The following WIPI2 variants were observed in gnomAD, a reference collection of about 807,000 sequenced individuals.
The protein encoded by WIPI2 is WD repeat domain phosphoinositide-interacting protein 2.
In WIPI2, 28 loss-of-function variants were observed where a neutral mutation model predicts 52.3. That is an observed-to-expected ratio of 0.54 (90% confidence interval 0.40 to 0.73). The LOEUF is 0.73. Ranked by LOEUF, WIPI2 falls within the 30% of genes least tolerant of loss-of-function variation. The probability of loss-of-function intolerance (pLI) is 0.00; values close to 1 mark genes in which losing one functional copy is unlikely to be tolerated. For synonymous variants in WIPI2, 268 were observed against 245.0 expected (o/e 1.09, Z -0.88); for missense variants, 506 against 602.9 (o/e 0.84, Z 1.68).
At chr7:5,229,436 T>G in intron 11 of WIPI2, 172 bp from the exon 12 acceptor site, 1 of 652,184 alleles carries the variant, frequency 1.5e-6, no homozygotes. Flanking sequence ...AAACTCTTCA[T>G]GTAAAAACGT....
chr7:5,193,023 G>T, intron 1 of WIPI2, 95 bp from the exon 2 acceptor site: 1 of 1,180,506 alleles, frequency 8.5e-7, no homozygotes, highest in Non-Finnish European at 1.2e-6. Context: ...GATTTCCAAT[G>T]TCGTACTTTT....
intron 3 of WIPI2, among the ~76,000 whole-genome samples, chr7:5,212,008 C>G (rs1782586006): frequency 6.6e-6 from 1 of 152,182 alleles, no homozygotes; most frequent in Non-Finnish European, 1.5e-5. Flanking sequence ...ATTTCACCAC[C>G]CACTGAAACT....
intron 3 of WIPI2, among the ~76,000 whole-genome samples, chr7:5,211,822 A>G (rs1011834002): frequency 2.0e-5 from 3 of 152,230 alleles, no homozygotes; most frequent in African/African-American, 7.2e-5. Flanking sequence ...TAATTAGAGC[A>G]GAGCTGAGAC....
At chr7:5,228,008 G>C (rs73048056) in intron 10 of WIPI2, 96 bp from the exon 11 acceptor site, 172,832 of 1,131,664 alleles carry the variant, frequency 0.15, 14,924 homozygotes, top group Middle Eastern at 0.19. Flanking sequence ...ATCTTGCTGG[G>C]GTCTCTTTCC....
chr7:5,230,537 T>C lies in WIPI2; in HGVS notation c.1253-298T>C, dbSNP rs1783681957. Among the ~76,000 whole-genome samples, 1 of 152,180 alleles carries C rather than the reference T, an allele frequency of 6.6e-6. No individual in the cohort carries two copies. The highest frequency in any genetic ancestry group is 2.1e-4 in the South Asian group (1 of 4,832). On this transcript the variant is annotated intron_variant, in intron 12 of 12. Coordinates refer to ENST00000288828, the MANE Select transcript of WIPI2 (RefSeq NM_015610.4). The surrounding 1 kb of genome is among the most constrained non-coding windows in gnomAD (Gnocchi z 4.8). ...CCTAGTGTCATTTTTTTTCCTGGTG[T>C]TATTTTTGAGCTCTTAACCAGCTTG... is the stretch of plus-strand genomic sequence containing the variant.
chr7:5,214,431 C>G (rs1416247888), intron 3 of WIPI2, 104 bp from the exon 4 acceptor site: 1 of 1,611,968 alleles, frequency 6.2e-7, no homozygotes, highest in East Asian at 2.2e-5. Flanking sequence ...CAGCGCTGTG[C>G]CCTGCGTGTC....
chr7:5,212,621 C>G (rs780383657), intron 3 of WIPI2, among the ~76,000 whole-genome samples: 2 of 152,142 alleles, frequency 1.3e-5, no homozygotes, highest in Non-Finnish European at 2.9e-5. Flanking sequence ...GCAGCCTCAA[C>G]CTCCTGGGAT....
chr7:5,231,830 G>T lies in WIPI2; in HGVS notation c.*883G>T. On this transcript the variant is annotated 3_prime_UTR_variant, in exon 13 of 13. Coordinates refer to ENST00000288828, the MANE Select transcript of WIPI2 (RefSeq NM_015610.4). ...GAACTCAAGTGTGGTGGCCGTCTGAGCTGTCCTTTCGCTGGCCCCGCTGTC... is the reference window on the plus strand; with the variant it reads ...GAACTCAAGTGTGGTGGCCGTCTGATCTGTCCTTTCGCTGGCCCCGCTGTC... 4.8e-6 allele frequency: 1 copy of T among 208,064 alleles called. No individual in the cohort carries two copies. The highest frequency in any genetic ancestry group is 9.5e-6 in the Non-Finnish European group (1 of 105,268). 12.9% of individuals were successfully genotyped at this position (208,064 alleles called of 1,614,324 possible).
intron 6 of WIPI2, chr7:5,217,427 C>A: frequency 2.0e-6 from 1 of 504,840 alleles, no homozygotes; most frequent in Non-Finnish European, 3.6e-6. Context: ...GCCTCAGCCT[C>A]CCGAGGAGTT....
intron 3 of WIPI2, among the ~76,000 whole-genome samples, chr7:5,205,538 C>T (rs1206380389): frequency 2.0e-5 from 3 of 152,176 alleles, no homozygotes; most frequent in African/African-American, 7.2e-5. Context: ...TCTGTCCTGC[C>T]TCTGCTGCTG....
At chr7:5,206,610 A>G (rs1583557126) in intron 3 of WIPI2, among the ~76,000 whole-genome samples, 1 of 152,158 alleles carries the variant, frequency 6.6e-6, no homozygotes, top group East Asian at 1.9e-4. Flanking sequence ...TGAAGACATC[A>G]TTTTTCTTTC....
chr7:5,206,846 T>C (rs532694104), intron 3 of WIPI2, among the ~76,000 whole-genome samples: 1 of 152,324 alleles, frequency 6.6e-6, no homozygotes, highest in Non-Finnish European at 1.5e-5. Flanking sequence ...GGTGCAATCA[T>C]AGCTTGCTAC....
Position 5,229,821 on chromosome 7 carries a change from C to G in WIPI2, c.1252+83C>G. 1.9e-6 allele frequency: 3 copies of G among 1,556,624 alleles called. No homozygotes were observed. The South Asian group carries it at 3.6e-5, about 19-fold the overall frequency. Reference sequence around the variant, plus strand: ...GCCTTCTGCTGGCTCCGGAGCCACCCCACCAGCTCCTCACTGGGAAAGATG... The same window carrying G: ...GCCTTCTGCTGGCTCCGGAGCCACCGCACCAGCTCCTCACTGGGAAAGATG... On this transcript the variant is annotated intron_variant, in intron 12 of 12. Transcript: ENST00000288828.
chr7:5,193,073 G>C, intron 1 of WIPI2, 45 bp from the exon 2 acceptor site: 1 of 1,584,540 alleles, frequency 6.3e-7, no homozygotes, highest in Non-Finnish European at 8.7e-7. Flanking sequence ...AGTTTTATTT[G>C]TTTTTTACCA....
At chr7:5,200,121 C>T (rs923404981) in intron 3 of WIPI2, among the ~76,000 whole-genome samples, 2 of 152,194 alleles carry the variant, frequency 1.3e-5, no homozygotes, top group African/African-American at 4.8e-5. Context: ...GCGCTTTGGC[C>T]TCTTGCTCAG....
rs546745341 is a variant in WIPI2, at chr7:5,211,600, G to A, written c.212-2935G>A. ...CAGATACTGAGCCTGTGCATGTTGA[G>A]GAGCAGCCCTATTTGGAAGTAAGTT... On this transcript the variant is annotated intron_variant, in intron 3 of 12. Coordinates refer to ENST00000288828, the MANE Select transcript of WIPI2 (RefSeq NM_015610.4). 2.6e-5 allele frequency among the ~76,000 whole-genome samples: 4 copies of A among 152,346 alleles called. No individual in the cohort carries two copies. In the East Asian group the frequency reaches 7.7e-4, roughly 29 times the overall value.
intron 3 of WIPI2, chr7:5,214,036 A>ATC: frequency 4.3e-6 from 1 of 231,152 alleles, no homozygotes; most frequent in South Asian, 5.8e-5. Flanking sequence ...CATGAGTGTA[A>ATC]TAGCGACATC....
chr7:5,199,602 G>A lies in WIPI2; in HGVS notation c.155G>A (p.Gly52Asp). 6.2e-7 allele frequency: 1 copy of A among 1,613,398 alleles called. No individual in the cohort carries two copies. Among genetic ancestry groups the A allele is most frequent in the Non-Finnish European group, 8.5e-7 (1 of 1,179,920 alleles). The change falls in exon 3 of 13, where the codon GGT (glycine) becomes GAT (aspartate). Residue 52 changes from glycine (G) to aspartate (D), a missense_variant. Coordinates refer to ENST00000288828, the MANE Select transcript of WIPI2 (RefSeq NM_015610.4). ...VWSLAVGSKS[G>D]YKFFSLSSVD... is the part of the protein sequence containing the mutation. ...TCCCTAGCTGTTGGTAGTAAGTCCG[G>A]TTATAAATTTTTCTCCCTTTCTTCT...
chr7:5,222,778 A>C (rs918858642), intron 8 of WIPI2, 106 bp downstream of exon 8: 4 of 1,117,488 alleles, frequency 3.6e-6, no homozygotes, highest in Non-Finnish European at 5.3e-6. Context: ...ATTCCACACG[A>C]GCATTTCTAG....
Sources: allele counts gnomAD v4.1 joint callset (sites outside exome capture counted in the v4.1 genomes callset), GRCh38; gene constraint gnomAD v4.1.1; non-coding constraint Gnocchi (gnomAD v3.1); transcripts MANE v1.5; gene names NCBI Gene and HGNC (gene_info 2026-07-23, HGNC 2026-07-21).